Variants in SYNDIG1 observed in about 807,000 individuals in gnomAD.
SYNDIG1 encodes synapse differentiation inducing 1.
In SYNDIG1, 9 loss-of-function variants were observed where a neutral mutation model predicts 19.4. The ratio of observed to expected loss-of-function variants is 0.46; its 90% CI spans 0.28 to 0.81. SYNDIG1 has a LOEUF of 0.81. SYNDIG1 is among the 30% of genes least tolerant of loss of function. The pLI, the probability that SYNDIG1 is intolerant of heterozygous loss-of-function variation, is 0.12. For synonymous variants in SYNDIG1, 141 were observed against 145.9 expected, an observed-to-expected ratio of 0.97 and a Z score of 0.24; for missense variants, 311 against 343.3, an observed-to-expected ratio of 0.91 and a Z score of 0.74.
chr20:24,473,345 A>G (rs1315085936), intron 1 of SYNDIG1, among the ~76,000 whole-genome samples: 1 of 152,182 alleles, frequency 6.6e-6, no homozygotes, highest in Non-Finnish European at 1.5e-5. Flanking sequence ...ATCTCTACAA[A>G]GCAGTATTCA....
intron 2 of SYNDIG1, among the ~76,000 whole-genome samples, chr20:24,575,301 A>G (rs189706442): frequency 6.6e-6 from 1 of 152,250 alleles, no homozygotes; most frequent in African/African-American, 2.4e-5. Flanking sequence ...AACAAAATTT[A>G]AAGAAATAGG....
At chr20:24,470,442 G>A (rs1404487025) in intron 1 of SYNDIG1, among the ~76,000 whole-genome samples, 4 of 150,862 alleles carry the variant, frequency 2.7e-5, no homozygotes, top group Non-Finnish European at 4.4e-5. Flanking sequence ...TCTGGCCCCT[G>A]GCAGCCGCGA....
In SYNDIG1 at chr20:24,501,930, C is replaced by T. The variant is rs184677254; in HGVS notation, c.-79+32177C>T. 4.1e-3 allele frequency among the ~76,000 whole-genome samples: 632 copies of T among 152,322 alleles called. 1 individual carries two copies. The highest frequency in any genetic ancestry group is 0.027 in the Middle Eastern group (8 of 294). On this transcript the variant is annotated intron_variant, in intron 1 of 3. Coordinates refer to ENST00000376862, the MANE Select transcript of SYNDIG1 (RefSeq NM_024893.3). ...GGCCTTTTTCCTGGGGATTCTTTTC[C>T]AGCAAGGGGAGACTGCTCTGCCCAT...
intron 3 of SYNDIG1, among the ~76,000 whole-genome samples, chr20:24,591,309 A>T (rs1458667178): frequency 6.6e-6 from 1 of 151,998 alleles, no homozygotes; most frequent in South Asian, 2.1e-4. Context: ...CAGGAAGATC[A>T]CTTGAGCCCA....
chr20:24,513,041 T>G (rs1036150171), intron 1 of SYNDIG1, among the ~76,000 whole-genome samples: 9 of 152,192 alleles, frequency 5.9e-5, no homozygotes, highest in Non-Finnish European at 1.0e-4. Context: ...TCCAGCAAAC[T>G]CCAACAGACC....
intron 2 of SYNDIG1, among the ~76,000 whole-genome samples, chr20:24,573,157 G>A (rs1381493739): frequency 6.6e-6 from 1 of 152,172 alleles, no homozygotes; most frequent in Non-Finnish European, 1.5e-5. Context: ...GAATTACCAT[G>A]CAAGCAACGT....
chr20:24,544,204 T>C (rs1381660782), intron 2 of SYNDIG1, among the ~76,000 whole-genome samples: 3 of 152,180 alleles, frequency 2.0e-5, no homozygotes, highest in Admixed American at 6.5e-5. Context: ...GGATATAGTG[T>C]GGTAGGCACA....
In SYNDIG1 at chr20:24,583,773, A is replaced by G. The variant is rs370743889; in HGVS notation, c.481-1083A>G. On this transcript the variant is annotated intron_variant, in intron 2 of 3. Coordinates refer to ENST00000376862, the MANE Select transcript of SYNDIG1 (RefSeq NM_024893.3). Reference sequence around the variant, plus strand: ...TCATCTGAGCTGCTTTTCAAAAATTACTATGGAATCGCAAACCACATACCC... The same window carrying G: ...TCATCTGAGCTGCTTTTCAAAAATTGCTATGGAATCGCAAACCACATACCC... 3.9e-5 allele frequency among the ~76,000 whole-genome samples: 6 copies of G among 152,304 alleles called. No homozygotes were observed. The East Asian group carries it at 7.7e-4, about 20-fold the overall frequency.
chr20:24,518,289 C>T (rs539292790), intron 1 of SYNDIG1, among the ~76,000 whole-genome samples: 2 of 152,112 alleles, frequency 1.3e-5, no homozygotes, highest in African/African-American at 4.8e-5. Flanking sequence ...AGGGGAGTGG[C>T]CGGCTCTGGA....
chr20:24,533,252 G>C (rs571659366), intron 1 of SYNDIG1, among the ~76,000 whole-genome samples: 7 of 152,056 alleles, frequency 4.6e-5, no homozygotes, highest in African/African-American at 1.2e-4. Flanking sequence ...GTTTGTCCAC[G>C]TAGGCACATT....
In SYNDIG1 at chr20:24,543,288, G is replaced by T. The variant is rs780597278; in HGVS notation, c.191G>T (p.Ser64Ile). Reference sequence around the variant, plus strand: ...AGCACAGTGCCGGCCAGCCTGGACAGCAGCAGGAGTGAGCCGATGCAGCAG... The same window carrying T: ...AGCACAGTGCCGGCCAGCCTGGACATCAGCAGGAGTGAGCCGATGCAGCAG... ...GASTVPASLD[S>I]SRSEPMQQLL... Residue 64 changes from serine (S) to isoleucine (I), a missense_variant, in exon 2 of 4, where the codon AGC becomes ATC. Coordinates refer to ENST00000376862, the MANE Select transcript of SYNDIG1 (RefSeq NM_024893.3). 1.1e-5 allele frequency: 18 copies of T among 1,613,634 alleles called. No individual in the cohort carries two copies. In the East Asian group the frequency reaches 4.0e-4, roughly 36 times the overall value.
chr20:24,665,372 C>G lies in SYNDIG1; in HGVS notation c.645C>G (p.Asp215Glu). ...CCAACAAAGCCGTGGCCAAGGGGGA[C>G]TTGCACCAGGCCAGCACCAGCTCCC... The part of the protein sequence containing the change: ...HETNKAVAKG[D>E]LHQASTSSRR... The change falls in exon 4 of 4, where the codon GAC (aspartate) becomes GAG (glutamate). Residue 215 changes from aspartate (D) to glutamate (E), a missense_variant. By Grantham distance (45) the Asp-to-Glu change is conservative (BLOSUM62 2). Coordinates refer to ENST00000376862, the MANE Select transcript of SYNDIG1 (RefSeq NM_024893.3). 6.2e-7 allele frequency: 1 copy of G among 1,604,904 alleles called. No individual in the cohort carries two copies. The highest frequency in any genetic ancestry group is 8.5e-7 in the Non-Finnish European group (1 of 1,177,200).
At chr20:24,630,083 G>A (rs529772808) in intron 3 of SYNDIG1, among the ~76,000 whole-genome samples, 1 of 152,196 alleles carries the variant, frequency 6.6e-6, no homozygotes, top group Non-Finnish European at 1.5e-5. Context: ...TGCTGGTGGT[G>A]GTGAAGAATG....
chr20:24,611,003 C>G (rs954663660), intron 3 of SYNDIG1, among the ~76,000 whole-genome samples: 3 of 152,214 alleles, frequency 2.0e-5, no homozygotes, highest in African/African-American at 7.2e-5. Flanking sequence ...CTCCCAGGCA[C>G]AATTCCTGGC....
intron 1 of SYNDIG1, among the ~76,000 whole-genome samples, chr20:24,490,811 A>G (rs983104184): frequency 6.6e-6 from 1 of 152,226 alleles, no homozygotes; most frequent in Non-Finnish European, 1.5e-5. Context: ...GCCAGGCTCC[A>G]GGGCAGCACA....
intron 3 of SYNDIG1, among the ~76,000 whole-genome samples, chr20:24,656,543 G>A (rs1385395087): frequency 6.6e-6 from 1 of 152,222 alleles, no homozygotes; most frequent in African/African-American, 2.4e-5. Flanking sequence ...CTCACCTGGA[G>A]GAAGGTGAAG....
chr20:24,644,383 C>A (rs1241411701), intron 3 of SYNDIG1, among the ~76,000 whole-genome samples: 1 of 152,256 alleles, frequency 6.6e-6, no homozygotes. Flanking sequence ...CTTGCCCCTT[C>A]TCCATTAAGG....
chr20:24,576,651 T>A (rs1050992696), intron 2 of SYNDIG1, among the ~76,000 whole-genome samples: 1 of 152,168 alleles, frequency 6.6e-6, no homozygotes, highest in Non-Finnish European at 1.5e-5. Context: ...ACATGAACTC[T>A]ACCCATGTGC....
intron 1 of SYNDIG1, among the ~76,000 whole-genome samples, chr20:24,489,900 C>T (rs1233317882): frequency 6.6e-6 from 1 of 152,250 alleles, no homozygotes; most frequent in East Asian, 1.9e-4. Flanking sequence ...TTTGTGTCAT[C>T]ACCAAGCAGG....
Sources: allele counts gnomAD v4.1 joint callset (sites outside exome capture counted in the v4.1 genomes callset), GRCh38; gene constraint gnomAD v4.1.1; transcripts MANE v1.5; gene names NCBI Gene and HGNC (gene_info 2026-07-23, HGNC 2026-07-21).